Variants in TBC1D14 observed in about 807,000 individuals in gnomAD.
The protein encoded by TBC1D14 is TBC1 domain family, member 14.
Under a neutral mutation model 79.0 loss-of-function variants are expected in TBC1D14, and 26 were observed. That is an observed-to-expected ratio of 0.33 (90% CI 0.24 to 0.46). TBC1D14 has a LOEUF of 0.46. TBC1D14 is among the 20% of genes least tolerant of loss of function. The pLI is 1.00. For missense variants in TBC1D14, 769 were observed against 887.6 expected, an observed-to-expected ratio of 0.87 and a Z score of 1.70; for synonymous variants, 394 against 349.9, an observed-to-expected ratio of 1.13 and a Z score of -1.40.
intron 3 of TBC1D14, among the ~76,000 whole-genome samples, chr4:6,988,037 T>C (rs1009068577): frequency 6.6e-6 from 1 of 152,192 alleles, no homozygotes; most frequent in Non-Finnish European, 1.5e-5. Context: ...CTTTACTTAC[T>C]GTGAGGTCAG....
intron 13 of TBC1D14, among the ~76,000 whole-genome samples, chr4:7,029,730 C>T (rs534112028): frequency 2.0e-5 from 3 of 152,316 alleles, no homozygotes; most frequent in African/African-American, 7.2e-5. Flanking sequence ...GAGGCTGAGG[C>T]AGAAGAATCT....
At chr4:7,008,505 C>T (rs965689929) in intron 9 of TBC1D14, among the ~76,000 whole-genome samples, 8 of 152,192 alleles carry the variant, frequency 5.3e-5, no homozygotes, top group Admixed American at 1.3e-4. Flanking sequence ...CTCCGCCTCC[C>T]GGGTTCAAGC....
chr4:7,001,074 G>T, intron 6 of TBC1D14, 71 bp from the exon 7 acceptor site: 2 of 1,347,540 alleles, frequency 1.5e-6, no homozygotes, highest in South Asian at 1.2e-5. Context: ...GGTGGTTCGG[G>T]GCTAGGCACG....
At chr4:7,006,275 A>ACGTG (rs1720192483) in intron 8 of TBC1D14, among the ~76,000 whole-genome samples, 1 of 151,130 alleles carries the variant, frequency 6.6e-6, no homozygotes, top group Admixed American at 6.6e-5. Flanking sequence ...GCAGTGATAT[A>ACGTG]TGTGTGTGTG....
chr4:6,990,492 T>C (rs1283343568), intron 3 of TBC1D14, among the ~76,000 whole-genome samples: 1 of 152,194 alleles, frequency 6.6e-6, no homozygotes, highest in Admixed American at 6.5e-5. Flanking sequence ...GGGTGGCAGC[T>C]GTCACTTAAG....
intron 7 of TBC1D14, among the ~76,000 whole-genome samples, chr4:7,002,602 AG>A (rs1241836916): frequency 6.6e-6 from 1 of 152,118 alleles, no homozygotes; most frequent in Non-Finnish European, 1.5e-5. Flanking sequence ...TGAACCGCGC[AG>A]TGTCAGTGGC....
intron 9 of TBC1D14, among the ~76,000 whole-genome samples, chr4:7,008,138 C>A (rs149169409): frequency 3.3e-5 from 5 of 152,262 alleles, no homozygotes; most frequent in African/African-American, 1.2e-4. Flanking sequence ...TCTCTTTGAA[C>A]GTAATTTGAA....
chr4:6,972,381 G>A (rs796172123), intron 3 of TBC1D14, among the ~76,000 whole-genome samples: 8 of 152,322 alleles, frequency 5.3e-5, no homozygotes, highest in South Asian at 2.1e-4. Context: ...AAATGCAAGC[G>A]TCTGTTCTCA....
chr4:6,911,998 T>C (rs1723033625), intron 1 of TBC1D14, among the ~76,000 whole-genome samples: 2 of 152,228 alleles, frequency 1.3e-5, no homozygotes, highest in African/African-American at 4.8e-5. Flanking sequence ...TTGTCCAGAC[T>C]GGATCTGAAC....
intron 2 of TBC1D14, among the ~76,000 whole-genome samples, chr4:6,934,188 G>A (rs983486871): frequency 2.0e-5 from 3 of 151,992 alleles, no homozygotes; most frequent in Admixed American, 6.6e-5. Flanking sequence ...GGAAACAGGC[G>A]GACAGAGAAG....
At chr4:7,028,149 TTACACACCCACACACCTCACATGCACA>T (rs1560372748) in intron 13 of TBC1D14, among the ~76,000 whole-genome samples, 2 of 151,050 alleles carry the variant, frequency 1.3e-5, no homozygotes, top group African/African-American at 4.9e-5. Flanking sequence ...CACGTACACA[TTACACACCCACACACCTCACATGCACA>T]TACACACCCA....
intron 3 of TBC1D14, chr4:6,987,372 G>T: frequency 7.1e-7 from 1 of 1,417,372 alleles, no homozygotes; most frequent in Non-Finnish European, 9.3e-7. Context: ...GCGGGCCGGT[G>T]CCTCTCCCTG....
chr4:6,974,414 A>C lies in TBC1D14; in HGVS notation c.843+6990A>C, dbSNP rs574996947. Reference sequence around the variant, plus strand: ...AACTAGAAAGTACTGGGGGGATTGCAGAGAGGAGGAGCTCAGGAAGGTAAC... The same window carrying C: ...AACTAGAAAGTACTGGGGGGATTGCCGAGAGGAGGAGCTCAGGAAGGTAAC... On this transcript the variant is annotated intron_variant, in intron 3 of 13. Coordinates refer to ENST00000409757, the MANE Select transcript of TBC1D14 (RefSeq NM_020773.3). Among the ~76,000 whole-genome samples the C allele has an allele frequency of 9.9e-4, 151 of 152,326 alleles. 1 individual carries two copies. The highest frequency in any genetic ancestry group is 8.9e-3 in the Admixed American group (136 of 15,292).
At chr4:6,923,252 T>C in intron 1 of TBC1D14, 121 bp from the exon 2 acceptor site, 2 of 1,155,350 alleles carry the variant, frequency 1.7e-6, no homozygotes, top group South Asian at 1.7e-5. Flanking sequence ...AACTTGGGTA[T>C]GTGGAACCTT....
At chr4:6,978,069 T>TG (rs747192899) in intron 3 of TBC1D14, among the ~76,000 whole-genome samples, 2 of 144,412 alleles carry the variant, frequency 1.4e-5, no homozygotes, top group Non-Finnish European at 3.0e-5. Flanking sequence ...GGGAGGGAGG[T>TG]GGGGGTCAGC....
At chr4:7,029,597 CG>C (rs1235170537) in intron 13 of TBC1D14, among the ~76,000 whole-genome samples, 4 of 152,154 alleles carry the variant, frequency 2.6e-5, no homozygotes, top group Admixed American at 2.0e-4. Context: ...GAGGCCAAGG[CG>C]GGCGTATCAT....
intron 2 of TBC1D14, among the ~76,000 whole-genome samples, chr4:6,959,525 G>A (rs935160600): frequency 1.3e-5 from 2 of 151,994 alleles, no homozygotes; most frequent in Non-Finnish European, 2.9e-5. Flanking sequence ...TTCCAGCAGG[G>A]CCCCCGCCTC....
chr4:6,932,718 G>C (rs1360802866), intron 2 of TBC1D14, among the ~76,000 whole-genome samples: 1 of 152,168 alleles, frequency 6.6e-6, no homozygotes, highest in African/African-American at 2.4e-5. Context: ...TGAACTCCTG[G>C]GCTCAAAAGG....
chr4:6,950,576 A>G (rs1009216664), intron 2 of TBC1D14, among the ~76,000 whole-genome samples: 5 of 49,882 alleles, frequency 1.0e-4, no homozygotes, highest in African/African-American at 3.7e-4. Context: ...TCTTTATTAG[A>G]TACCTTTATT....
Sources: gnomAD v4.1 joint callset for allele counts (sites outside exome capture counted in the v4.1 genomes callset) on GRCh38, gnomAD v4.1.1 for gene constraint, MANE v1.5 for transcripts, NCBI Gene and HGNC (gene_info 2026-07-23, HGNC 2026-07-21) for gene names.